Variants in PRPH2 observed in about 807,000 individuals in gnomAD.
PRPH2 encodes the protein peripherin-2.
Under a neutral mutation model 31.3 loss-of-function variants are expected in PRPH2, and 17 were observed. The ratio of observed to expected loss-of-function variants is 0.54; its 90% CI spans 0.37 to 0.81. The LOEUF is 0.81. PRPH2 is among the 40% of genes least tolerant of loss of function. PRPH2 has a pLI of 0.00. For synonymous variants in PRPH2, 165 were observed against 184.4 expected, an observed-to-expected ratio of 0.89 and a Z score of 0.85; for missense variants, 430 against 439.7, an observed-to-expected ratio of 0.98 and a Z score of 0.20.
intron 1 of PRPH2, among the ~76,000 whole-genome samples, chr6:42,719,042 G>A (rs1167045156): frequency 6.6e-6 from 1 of 152,154 alleles, no homozygotes; most frequent in Non-Finnish European, 1.5e-5. Flanking sequence ...TAGCCTAAGG[G>A]AAATAAAAGA....
intron 2 of PRPH2, among the ~76,000 whole-genome samples, chr6:42,700,992 T>C (rs1214711283): frequency 2.0e-5 from 3 of 151,632 alleles, no homozygotes; most frequent in Non-Finnish European, 4.4e-5. Flanking sequence ...TCTTTCTTTT[T>C]TTTTTTTTTT....
At chr6:42,700,460 G>T (rs1322809463) in intron 2 of PRPH2, among the ~76,000 whole-genome samples, 2 of 152,158 alleles carry the variant, frequency 1.3e-5, no homozygotes, top group Non-Finnish European at 2.9e-5. Context: ...TACCAGGTAG[G>T]GGGAGGGCCT....
chr6:42,700,022 G>A (rs1357108605), intron 2 of PRPH2, among the ~76,000 whole-genome samples: 3 of 150,656 alleles, frequency 2.0e-5, no homozygotes, highest in Admixed American at 1.3e-4. Flanking sequence ...GCAGTGGCAC[G>A]ATCTTGGCTC....
At chr6:42,708,308 T>TGGCACTGCCTGCCCACC (rs1323453791) in intron 1 of PRPH2, among the ~76,000 whole-genome samples, 1 of 152,226 alleles carries the variant, frequency 6.6e-6, no homozygotes, top group Non-Finnish European at 1.5e-5. Flanking sequence ...ACCTGCCCGC[T>TGGCACTGCCTGCCCACC]GGCACTGCCT....
chr6:42,713,170 A>C (rs1290484447), intron 1 of PRPH2, among the ~76,000 whole-genome samples: 1 of 151,784 alleles, frequency 6.6e-6, no homozygotes, highest in East Asian at 1.9e-4. Flanking sequence ...GGTTGCAGTG[A>C]GCCGACATGG....
Position 42,722,518 on chromosome 6 carries a change from T to C in PRPH2, c.-184A>G. On this transcript the variant is annotated 5_prime_UTR_variant, in exon 1 of 3. Transcript: ENST00000230381. The surrounding 1 kb of genome is among the most constrained non-coding windows in gnomAD (Gnocchi z 4.4). ...GGGATCCCCGTGAATGCAGTAGTGG[T>C]GGCAGGGGTCTCGGAATCACAGCTT... The C allele has an allele frequency of 6.8e-7, 1 of 1,470,078 alleles. No homozygotes were observed. Among genetic ancestry groups the C allele is most frequent in the South Asian group, 1.4e-5 (1 of 73,170 alleles). 91.1% of individuals were successfully genotyped at this position (1,470,078 alleles called of 1,614,324 possible).
intron 1 of PRPH2, among the ~76,000 whole-genome samples, chr6:42,713,364 T>A (rs1245674914): frequency 6.6e-6 from 1 of 151,988 alleles, no homozygotes; most frequent in Admixed American, 6.5e-5. Flanking sequence ...AGGAAGTGTG[T>A]CCCCCTCTTC....
At chr6:42,709,392 A>T (rs1366458909) in intron 1 of PRPH2, among the ~76,000 whole-genome samples, 2 of 148,148 alleles carry the variant, frequency 1.3e-5, no homozygotes, top group African/African-American at 2.5e-5. Flanking sequence ...CACTGGTCCC[A>T]TTGGAGTTCC....
At chr6:42,704,273 G>C (rs942748898) in intron 2 of PRPH2, 92 bp downstream of exon 2, 59 of 1,506,634 alleles carry the variant, frequency 3.9e-5, no homozygotes, top group Non-Finnish European at 5.2e-5. Context: ...AAAGAGGGAG[G>C]CATGCTCTCC....
At chr6:42,710,208 G>A (rs2152006994) in intron 1 of PRPH2, among the ~76,000 whole-genome samples, 1 of 151,886 alleles carries the variant, frequency 6.6e-6, no homozygotes, top group Admixed American at 6.6e-5. Context: ...CATCAGACTG[G>A]GGTTCCCTGA....
chr6:42,712,405 A>G (rs1439331388), intron 1 of PRPH2, among the ~76,000 whole-genome samples: 1 of 152,232 alleles, frequency 6.6e-6, no homozygotes, highest in Non-Finnish European at 1.5e-5. Context: ...TATGTTCAGC[A>G]GAAACAAAAG....
intron 2 of PRPH2, among the ~76,000 whole-genome samples, chr6:42,701,682 A>ATGTTTTTTTTTTT (rs1800047652): frequency 1.3e-5 from 1 of 78,516 alleles, no homozygotes; most frequent in South Asian, 4.6e-4. Flanking sequence ...ACGTCCAGCA[A>ATGTTTTTTTTTTT]TTTTTTTTTT....
At position 42,705,628 on chromosome 6, in the gene PRPH2, A is replaced by T. The variant is rs1009550761; in HGVS notation, c.582-1017T>A. Among the ~76,000 whole-genome samples, 31 of 130,438 alleles carry T rather than the reference A, an allele frequency of 2.4e-4. 1 individual carries two copies. The highest frequency in any genetic ancestry group is 2.9e-4 in the Non-Finnish European group (18 of 61,244). The allele number at this position is 130,438 out of a possible 152,430, so 85.6% of individuals were successfully genotyped here. Reference sequence around the variant, plus strand: ...TATATATATATATATATATATATATATATTTGTGCACTTGACTGGGTGCTT... The same window carrying T: ...TATATATATATATATATATATATATTTATTTGTGCACTTGACTGGGTGCTT... On this transcript the variant is annotated intron_variant, in intron 1 of 2. Transcript: ENST00000230381.
At chr6:42,711,378 G>T (rs1006690394) in intron 1 of PRPH2, among the ~76,000 whole-genome samples, 2 of 152,352 alleles carry the variant, frequency 1.3e-5, no homozygotes, top group African/African-American at 4.8e-5. Context: ...CTGAGTGTGA[G>T]GTACTAGACG....
chr6:42,705,356 G>A (rs938213768), intron 1 of PRPH2, among the ~76,000 whole-genome samples: 4 of 151,760 alleles, frequency 2.6e-5, no homozygotes, highest in Non-Finnish European at 5.9e-5. Context: ...GGCAGGCTGG[G>A]TATGTTCTAC....
chr6:42,709,345 A>AAAAAAC (rs768408013), intron 1 of PRPH2, among the ~76,000 whole-genome samples: 36 of 89,046 alleles, frequency 4.0e-4, no homozygotes, highest in African/African-American at 1.1e-3. Flanking sequence ...AAAAAAAAAA[A>AAAAAAC]AAAAAAAAAA....
At chr6:42,719,651 A>T (rs1190389782) in intron 1 of PRPH2, among the ~76,000 whole-genome samples, 1 of 145,936 alleles carries the variant, frequency 6.9e-6, no homozygotes, top group African/African-American at 2.6e-5. Flanking sequence ...GCTCACCACA[A>T]TCTCTGCCTC....
At position 42,704,537 on chromosome 6, in the gene PRPH2, G is replaced by C. The variant is rs61755808; in HGVS notation, c.656C>G (p.Pro219Arg). 15 of 1,614,196 alleles carry C rather than the reference G, an allele frequency of 9.3e-6. No homozygotes were observed. The highest frequency in any genetic ancestry group is 1.3e-5 in the Non-Finnish European group (15 of 1,180,038). The change falls in exon 2 of 3, where the codon CCA becomes CGA. Residue 219 changes from proline (P) to arginine (R), a missense_variant. Coordinates refer to ENST00000230381, the MANE Select transcript of PRPH2 (RefSeq NM_000322.5). ...VPFSCCNPSS[P>R]RPCIQYQITN... ...GATCTGATACTGGATGCAGGGCCGTGGCGAGCTAGGATTGCAGCAGCTGAA... is the reference window on the plus strand; with the variant it reads ...GATCTGATACTGGATGCAGGGCCGTCGCGAGCTAGGATTGCAGCAGCTGAA...
At chr6:42,713,919 C>CAAAAAAAAAA (rs55805454) in intron 1 of PRPH2, among the ~76,000 whole-genome samples, 1 of 38,092 alleles carries the variant, frequency 2.6e-5, no homozygotes, top group Non-Finnish European at 4.7e-5. Flanking sequence ...GACTCCATCT[C>CAAAAAAAAAA]AAAAAAAAAA....
Sources: gnomAD v4.1 joint callset for allele counts (sites outside exome capture counted in the v4.1 genomes callset) on GRCh38, gnomAD v4.1.1 for gene constraint, Gnocchi (gnomAD v3.1) non-coding constraint, MANE v1.5 for transcripts, NCBI Gene and HGNC (gene_info 2026-07-23, HGNC 2026-07-21) for gene names.